Variants in BANP observed in about 807,000 individuals in gnomAD.
BANP encodes protein BANP.
BANP carries 11 observed loss-of-function variants against 68.1 expected under a neutral mutation model. The ratio of observed to expected loss-of-function variants is 0.16; its 90% CI spans 0.10 to 0.27. BANP has a LOEUF of 0.27. BANP is among the 10% of genes least tolerant of loss of function. The pLI is 1.00. For missense variants in BANP, 504 were observed against 722.7 expected, an observed-to-expected ratio of 0.70 and a Z score of 3.47; for synonymous variants, 329 against 303.2, an observed-to-expected ratio of 1.09 and a Z score of -0.88.
intron 4 of BANP, among the ~76,000 whole-genome samples, chr16:87,988,624 C>T (rs1421878793): frequency 6.6e-6 from 1 of 152,132 alleles, no homozygotes; most frequent in Non-Finnish European, 1.5e-5. Flanking sequence ...GTATTACCTC[C>T]AAATCATATG....
At chr16:88,008,574 C>CA (rs1347697346) in intron 6 of BANP, among the ~76,000 whole-genome samples, 1 of 152,028 alleles carries the variant, frequency 6.6e-6, no homozygotes. Flanking sequence ...GTCATAAAAA[C>CA]AAAAAAATCT....
chr16:87,974,870 A>C (rs756022242), intron 1 of BANP, among the ~76,000 whole-genome samples, 178 bp from the exon 2 acceptor site: 1 of 152,142 alleles, frequency 6.6e-6, no homozygotes, highest in African/African-American at 2.4e-5. Flanking sequence ...GTTTTCAACT[A>C]TTTGTTAATT....
intron 8 of BANP, among the ~76,000 whole-genome samples, chr16:88,032,241 G>T (rs1488478493): frequency 6.6e-6 from 1 of 151,330 alleles, no homozygotes; most frequent in Non-Finnish European, 1.5e-5. Context: ...TCGCTCTGTT[G>T]CCCAGGCTGG....
chr16:87,992,304 G>C (rs1470965222), intron 4 of BANP, among the ~76,000 whole-genome samples: 2 of 152,158 alleles, frequency 1.3e-5, no homozygotes, highest in Non-Finnish European at 2.9e-5. Context: ...CAACATGTTA[G>C]TCTGCAGTTT....
chr16:88,025,634 C>T (rs762082044), intron 7 of BANP, among the ~76,000 whole-genome samples: 3 of 152,124 alleles, frequency 2.0e-5, no homozygotes, highest in African/African-American at 4.8e-5. Flanking sequence ...AAACGTGTCT[C>T]AAGTATCTAC....
intron 2 of BANP, chr16:87,980,723 T>C (rs990806929): frequency 3.6e-6 from 1 of 280,522 alleles, no homozygotes; most frequent in Non-Finnish European, 6.8e-6. Context: ...GATTGGGTTT[T>C]ATCGTGGGTT....
chr16:87,963,661 G>A lies in BANP; in HGVS notation c.-68-11387G>A, dbSNP rs74374354. ...AATGTCTGCCCTAAAAATACTGACG[G>A]GAAAAAACCCGTTACGTTGTGACAC... On this transcript the variant is annotated intron_variant, in intron 1 of 13. Transcript: ENST00000682872. Among the ~76,000 whole-genome samples, 217 of 152,284 alleles carry A rather than the reference G, an allele frequency of 1.4e-3. 2 individuals are homozygous for A. Among genetic ancestry groups the A allele is most frequent in the Middle Eastern group, 3.4e-3 (1 of 294 alleles).
At chr16:87,967,876 C>A (rs989978755) in intron 1 of BANP, among the ~76,000 whole-genome samples, 2 of 151,904 alleles carry the variant, frequency 1.3e-5, no homozygotes. Context: ...CCGCCTTGGC[C>A]CCCCAAAGTG....
chr16:87,994,005 C>T (rs1232823778), intron 4 of BANP, among the ~76,000 whole-genome samples: 1 of 152,120 alleles, frequency 6.6e-6, no homozygotes, highest in Admixed American at 6.5e-5. Context: ...TGAAAGATGA[C>T]GTTAGAGACC....
At chr16:88,072,920 T>TCCC (rs2152924680) in intron 13 of BANP, among the ~76,000 whole-genome samples, 1 of 152,390 alleles carries the variant, frequency 6.6e-6, no homozygotes, top group South Asian at 2.1e-4. Context: ...GCCTGGTGGT[T>TCCC]GGCTGCTGCC....
intron 11 of BANP, among the ~76,000 whole-genome samples, chr16:88,063,221 G>C (rs916116016): frequency 6.6e-6 from 1 of 152,208 alleles, no homozygotes; most frequent in African/African-American, 2.4e-5. Context: ...GGTATCTGCT[G>C]ACCCCGGTTC....
intron 11 of BANP, among the ~76,000 whole-genome samples, chr16:88,040,048 C>A (rs571681782): frequency 1.1e-4 from 17 of 152,304 alleles, no homozygotes; most frequent in African/African-American, 4.1e-4. Flanking sequence ...TATTATCGGT[C>A]ACATTTCTGG....
chr16:88,065,078 T>G (rs2088133112), intron 11 of BANP, among the ~76,000 whole-genome samples, 189 bp from the exon 12 acceptor site: 1 of 152,178 alleles, frequency 6.6e-6, no homozygotes, highest in African/African-American at 2.4e-5. Context: ...TTTGGGAATT[T>G]GATGTTTTAA....
intron 1 of BANP, among the ~76,000 whole-genome samples, chr16:87,965,852 G>A (rs1399684503): frequency 2.0e-5 from 3 of 152,282 alleles, no homozygotes; most frequent in African/African-American, 4.8e-5. Flanking sequence ...AAATAAGTAA[G>A]GCCTACGGAA....
At chr16:88,051,481 TCA>T (rs1325032544) in intron 11 of BANP, among the ~76,000 whole-genome samples, 2 of 152,200 alleles carry the variant, frequency 1.3e-5, no homozygotes, top group Non-Finnish European at 2.9e-5. Flanking sequence ...CCTCGGTGCC[TCA>T]CGCGCAGTAG....
At chr16:88,063,617 GT>G (rs2087563851) in intron 11 of BANP, among the ~76,000 whole-genome samples, 1 of 152,138 alleles carries the variant, frequency 6.6e-6, no homozygotes, top group African/African-American at 2.4e-5. Flanking sequence ...TGATAGACGA[GT>G]TTCAGATCCG....
chr16:88,046,133 C>A (rs1266802288), intron 11 of BANP, among the ~76,000 whole-genome samples: 1 of 152,216 alleles, frequency 6.6e-6, no homozygotes, highest in Non-Finnish European at 1.5e-5. Context: ...TGTGCACATA[C>A]GAGGAGTAAC....
At chr16:87,972,418 A>AATTATCAGGG (rs2061292553) in intron 1 of BANP, among the ~76,000 whole-genome samples, 1 of 150,924 alleles carries the variant, frequency 6.6e-6, no homozygotes, top group Non-Finnish European at 1.5e-5. Flanking sequence ...TTATCAGGGT[A>AATTATCAGGG]TAGTTTTTTT....
chr16:87,986,645 T>G (rs550875149), intron 4 of BANP, among the ~76,000 whole-genome samples: 1 of 152,356 alleles, frequency 6.6e-6, no homozygotes, highest in Non-Finnish European at 1.5e-5. Context: ...AGGGTAACAG[T>G]GTCTGTGCTC....
Sources: gnomAD v4.1 joint callset for allele counts (sites outside exome capture counted in the v4.1 genomes callset) on GRCh38, gnomAD v4.1.1 for gene constraint, MANE v1.5 for transcripts, NCBI Gene and HGNC (gene_info 2026-07-23, HGNC 2026-07-21) for gene names.